Variants in ST6GALNAC6 observed in about 807,000 individuals in gnomAD.
The protein encoded by ST6GALNAC6 is alpha-N-acetylgalactosaminide alpha-2,6-sialyltransferase 6.
Under a neutral mutation model 34.3 loss-of-function variants are expected in ST6GALNAC6, and 19 were observed. That is an observed-to-expected ratio of 0.55 (90% CI 0.39 to 0.81). ST6GALNAC6 has a LOEUF of 0.81. Among genes scored for constraint, ST6GALNAC6 ranks in the 40% least tolerant of loss-of-function variants. ST6GALNAC6 has a pLI of 0.00. For missense variants in ST6GALNAC6, 377 were observed against 467.7 expected, an observed-to-expected ratio of 0.81 and a Z score of 1.79; for synonymous variants, 185 against 182.1, an observed-to-expected ratio of 1.02 and a Z score of -0.13.
upstream of ST6GALNAC6, among the ~76,000 whole-genome samples, chr9:127,906,357 G>A (rs1187721420): frequency 6.6e-6 from 1 of 152,220 alleles, no homozygotes; most frequent in Non-Finnish European, 1.5e-5. Flanking sequence ...TAGAACCCCA[G>A]GGCTGCATCC....
Position 127,885,901 on chromosome 9 carries a change from T to C in ST6GALNAC6, c.*698A>G, listed in dbSNP as rs1007353469. On this transcript the variant is annotated 3_prime_UTR_variant, in exon 7 of 7. Coordinates refer to ENST00000373146, the MANE Select transcript of ST6GALNAC6 (RefSeq NM_013443.5). ...AAGAGCTGAGCCTTCCAGCAAGGGA[T>C]AGTGGCTGGGAGGGTCCAGACGGGG... 12 of 152,150 alleles carry C rather than the reference T, an allele frequency of 7.9e-5. No homozygotes were observed. The highest frequency in any genetic ancestry group is 2.2e-4 in the African/African-American group (9 of 41,396). The allele number at this position is 152,150 out of a possible 1,614,324, so 9.4% of individuals were successfully genotyped here. A position where few individuals can be genotyped will look rare whatever the true frequency, so the allele number is the denominator to read the frequency against.
chr9:127,895,899 G>C (rs1830422472), intron 3 of ST6GALNAC6, among the ~76,000 whole-genome samples: 1 of 152,186 alleles, frequency 6.6e-6, no homozygotes, highest in Admixed American at 6.5e-5. Context: ...ACTCTGATCA[G>C]TGCACCCTTG....
upstream of ST6GALNAC6, among the ~76,000 whole-genome samples, chr9:127,906,494 G>A (rs560493569): frequency 2.6e-5 from 4 of 152,236 alleles, no homozygotes; most frequent in African/African-American, 7.2e-5. Context: ...TCAGGTCCTC[G>A]GGCTCAGCTC....
chr9:127,897,430 G>A, intron 2 of ST6GALNAC6: 1 of 986,946 alleles, frequency 1.0e-6, no homozygotes, highest in Non-Finnish European at 1.2e-6. Flanking sequence ...GGCCAGAGGA[G>A]GCTTGGCACA....
At chr9:127,905,651 G>A (rs1830898072), upstream of ST6GALNAC6, among the ~76,000 whole-genome samples, 1 of 152,184 alleles carries the variant, frequency 6.6e-6, no homozygotes. Context: ...GGAAGGGCAG[G>A]GCCAGCCCAG....
chr9:127,898,104 TC>T, intron 1 of ST6GALNAC6, 94 bp from the exon 2 acceptor site: 1 of 738,710 alleles, frequency 1.4e-6, no homozygotes, highest in Non-Finnish European at 2.3e-6. Flanking sequence ...TTGAAAGTGC[TC>T]CCACATTGGC....
intron 4 of ST6GALNAC6, 88 bp downstream of exon 4, chr9:127,894,424 A>G: frequency 6.7e-7 from 1 of 1,500,414 alleles, no homozygotes; most frequent in South Asian, 1.2e-5. Flanking sequence ...CTTGACTCTC[A>G]GGGTCCACCT....
At chr9:127,894,099 C>T (rs1176103070) in intron 4 of ST6GALNAC6, among the ~76,000 whole-genome samples, 1 of 152,164 alleles carries the variant, frequency 6.6e-6, no homozygotes, top group African/African-American at 2.4e-5. Context: ...GCTGCCCTCA[C>T]AGGGCTTGTC....
In ST6GALNAC6 at chr9:127,896,247, T is replaced by G; in HGVS notation, c.112A>C (p.Asn38His). Residue 38 changes from asparagine to histidine, a missense_variant, in exon 3 of 7, where the codon AAC becomes CAC. Physicochemically the swap from Asn to His is moderately conservative, Grantham distance 68. Transcript: ENST00000373146. ...AGAAATGAAGGCAGACTTACTTTGT[T>G]GCTACTCATTTCTCTCCGGCGTCTG... The part of the protein sequence containing the change: ...LSRRRREMSS[N>H]KEQRSAVFVI... 6.2e-7 allele frequency: 1 copy of G among 1,614,166 alleles called. No homozygotes were observed. The highest frequency in any genetic ancestry group is 8.5e-7 in the Non-Finnish European group (1 of 1,180,014).
At chr9:127,892,516 T>C (rs924300662) in intron 4 of ST6GALNAC6, among the ~76,000 whole-genome samples, 2 of 152,186 alleles carry the variant, frequency 1.3e-5, no homozygotes, top group African/African-American at 2.4e-5. Flanking sequence ...ATTGCCTGCA[T>C]ATAGTCAGTT....
intron 1 of ST6GALNAC6, among the ~76,000 whole-genome samples, chr9:127,899,075 G>T (rs1830638972): frequency 6.6e-6 from 1 of 152,196 alleles, no homozygotes; most frequent in Admixed American, 6.5e-5. Flanking sequence ...CCACGAACCC[G>T]CGTGGGAGGA....
chr9:127,887,588 CT>C lies in ST6GALNAC6; in HGVS notation c.707del (p.Glu236GlyfsTer7). On this transcript the variant is annotated frameshift_variant and splice_region_variant, in exon 6 of 7. Transcript: ENST00000373146. LOFTEE classifies it high-confidence loss of function. ...CTGTGCTCAACCACGAATGAGACTTCTCCCTGGGGATGGAGAGGGGTCACGA... is the reference window on the plus strand; with the variant it reads ...CTGTGCTCAACCACGAATGAGACTTCCCCTGGGGATGGAGAGGGGTCACGA... ...LFRGETGKDR[E>X]KSHSWLSTGW... is the part of the protein sequence containing the mutation. The C allele has an allele frequency of 6.2e-7, 1 of 1,609,160 alleles. No homozygotes were observed.
At chr9:127,893,574 C>T (rs954498657) in intron 4 of ST6GALNAC6, among the ~76,000 whole-genome samples, 2 of 152,324 alleles carry the variant, frequency 1.3e-5, no homozygotes, top group Admixed American at 6.5e-5. Context: ...CCACGTACCT[C>T]GACTGGCACT....
Position 127,899,565 on chromosome 9 carries a change from G to A in ST6GALNAC6, c.-92C>T, listed in dbSNP as rs1349604523. On this transcript the variant is annotated 5_prime_UTR_variant, in exon 1 of 7. Coordinates refer to ENST00000373146, the MANE Select transcript of ST6GALNAC6 (RefSeq NM_013443.5). ...GCCCCCTCACATGGCGCCGGGAGCC[G>A]AGCGCCGGGGTCCGCGCTCCTCAGG... is the stretch of plus-strand genomic sequence containing the variant. 4.1e-6 allele frequency: 4 copies of A among 981,006 alleles called. No individual in the cohort carries two copies. In the East Asian group the frequency reaches 3.4e-4, roughly 84 times the overall value. The allele number at this position is 981,006 out of a possible 1,614,324, so 60.8% of individuals were successfully genotyped here.
At chr9:127,892,711 G>A (rs752778886) in intron 4 of ST6GALNAC6, among the ~76,000 whole-genome samples, 8 of 152,042 alleles carry the variant, frequency 5.3e-5, no homozygotes, top group African/African-American at 1.2e-4. Flanking sequence ...TAACATCATC[G>A]TTGTTTTTAA....
chr9:127,886,360 C>T lies in ST6GALNAC6; in HGVS notation c.*239G>A, dbSNP rs1829751850. ...ACCCCCTCTACCCTGATTGACTGTG[C>T]GCAGACCCTGACTGCACAAGAAAGA... On this transcript the variant is annotated 3_prime_UTR_variant, in exon 7 of 7. Coordinates refer to ENST00000373146, the MANE Select transcript of ST6GALNAC6 (RefSeq NM_013443.5). 5 of 1,224,780 alleles carry T rather than the reference C, an allele frequency of 4.1e-6. No homozygotes were observed. Among genetic ancestry groups the T allele is most frequent in the South Asian group, 3.2e-5 (2 of 61,808 alleles). 75.9% of individuals were successfully genotyped at this position (1,224,780 alleles called of 1,614,324 possible). A position where few individuals can be genotyped will look rare whatever the true frequency, so the allele number is the denominator to read the frequency against.
At chr9:127,899,454 CGCCTCCG>C in intron 1 of ST6GALNAC6, 42 bp downstream of exon 1, 8 of 852,390 alleles carry the variant, frequency 9.4e-6, no homozygotes, top group South Asian at 5.2e-5. Flanking sequence ...CCCCAGCCCC[CGCCTCCG>C]CCCCCGCCCC....
chr9:127,900,560 CAAAAAAAAAA>C (rs71380101), upstream of ST6GALNAC6, among the ~76,000 whole-genome samples: 116 of 44,186 alleles, frequency 2.6e-3, no homozygotes, highest in Admixed American at 4.1e-3. Context: ...AACTCCGTCT[CAAAAAAAAAA>C]AAAAAAAAAA....
At position 127,890,723 on chromosome 9, in the gene ST6GALNAC6, C is replaced by T. The variant is rs367626129; in HGVS notation, c.618G>A (p.Val206=). ...CGGCATATGCTTCCATGTTGGGGAA[C>T]ACCAGGCCCGCTCGCTGGATCACAC... ...LVRVIQRAGL[V]FPNMEAYAVS... Residue 206 remains valine, a synonymous_variant, in exon 5 of 7, where the codon GTG becomes GTA. Transcript: ENST00000373146. This position sits in a 1 kb window ranked among gnomAD's most constrained non-coding sequence, Gnocchi z 4.3. 5 of 1,613,664 alleles carry T rather than the reference C, an allele frequency of 3.1e-6. No homozygotes were observed. In the African/African-American group the frequency reaches 6.7e-5, roughly 22 times the overall value.
Sources: gnomAD v4.1 joint callset for allele counts (sites outside exome capture counted in the v4.1 genomes callset) on GRCh38, gnomAD v4.1.1 for gene constraint, Gnocchi (gnomAD v3.1) non-coding constraint, MANE v1.5 for transcripts, NCBI Gene and HGNC (gene_info 2026-07-23, HGNC 2026-07-21) for gene names.